Variants in RALYL observed in about 807,000 individuals in gnomAD.
The protein encoded by RALYL is RALY RNA binding protein like.
Under a neutral mutation model 35.1 loss-of-function variants are expected in RALYL, and 29 were observed. The observed-to-expected ratio is 0.83, with a 90% CI of 0.61 to 1.13. The LOEUF (loss-of-function observed/expected upper bound fraction) is 1.13, where lower values mean the gene tolerates loss of function less well. RALYL is among the 50% of genes most tolerant of loss of function. RALYL has a pLI of 0.00. For missense variants in RALYL, 359 were observed against 360.4 expected (o/e 1.00, Z 0.03); for synonymous variants, 120 against 127.6 (o/e 0.94, Z 0.40).
chr8:84,661,722 G>A (rs1003911356), intron 2 of RALYL, among the ~76,000 whole-genome samples: 1 of 151,646 alleles, frequency 6.6e-6, no homozygotes, highest in African/African-American at 2.4e-5. Flanking sequence ...ATGCTGGTGC[G>A]CTGCACCTAC....
chr8:84,683,189 G>A (rs1185708874), intron 2 of RALYL, among the ~76,000 whole-genome samples: 1 of 152,196 alleles, frequency 6.6e-6, no homozygotes, highest in Non-Finnish European at 1.5e-5. Flanking sequence ...TAGTTTGATT[G>A]CACTGTGGTC....
intron 1 of RALYL, among the ~76,000 whole-genome samples, chr8:84,353,694 G>GA (rs1029349896): frequency 6.7e-6 from 1 of 150,014 alleles, no homozygotes; most frequent in East Asian, 1.9e-4. Context: ...TCTAACTTAT[G>GA]AAAAAAACAT....
At chr8:84,593,887 T>C (rs1813873212) in intron 2 of RALYL, among the ~76,000 whole-genome samples, 1 of 152,086 alleles carries the variant, frequency 6.6e-6, no homozygotes, top group Non-Finnish European at 1.5e-5. Context: ...CACCATTATA[T>C]GCACTGCCCT....
chr8:84,840,492 T>C (rs1405864611), intron 4 of RALYL, among the ~76,000 whole-genome samples: 1 of 152,198 alleles, frequency 6.6e-6, no homozygotes, highest in South Asian at 2.1e-4. Context: ...TACGCCTGAC[T>C]GGTGTACCTG....
intron 1 of RALYL, among the ~76,000 whole-genome samples, chr8:84,407,524 C>T (rs566000239): frequency 1.9e-3 from 292 of 152,070 alleles, no homozygotes; most frequent in Non-Finnish European, 3.2e-3. Context: ...AGTGAAAATA[C>T]CTTGGCTCAA....
At chr8:84,406,083 C>T (rs1005101551) in intron 1 of RALYL, among the ~76,000 whole-genome samples, 1 of 144,360 alleles carries the variant, frequency 6.9e-6, no homozygotes, top group African/African-American at 2.6e-5. Flanking sequence ...AAAAGAATAA[C>T]AAAAAGTTAA....
intron 1 of RALYL, among the ~76,000 whole-genome samples, chr8:84,467,029 C>G (rs1361146923): frequency 6.6e-6 from 1 of 152,100 alleles, no homozygotes; most frequent in South Asian, 2.1e-4. Flanking sequence ...TGATTCTTCT[C>G]TCTTTTTTTC....
chr8:84,200,511 C>T (rs1472528883), intron 1 of RALYL, among the ~76,000 whole-genome samples: 3 of 152,132 alleles, frequency 2.0e-5, no homozygotes, highest in Non-Finnish European at 4.4e-5. Flanking sequence ...TCATTTCCTT[C>T]ATGCAGTTTT....
intron 2 of RALYL, among the ~76,000 whole-genome samples, chr8:84,707,516 G>A (rs1270789925): frequency 6.6e-6 from 1 of 152,040 alleles, no homozygotes. Flanking sequence ...CCCTTAAAAT[G>A]TGCTCACTGA....
intron 5 of RALYL, among the ~76,000 whole-genome samples, chr8:84,861,552 A>G (rs899515853): frequency 2.0e-5 from 3 of 152,198 alleles, no homozygotes; most frequent in Non-Finnish European, 4.4e-5. Context: ...TGCTTGTAAT[A>G]TCTAACTATA....
rs376608152 is a variant in RALYL, at chr8:84,529,901, T to G, written c.256+324T>G. Among the ~76,000 whole-genome samples the G allele has an allele frequency of 6.6e-5, 10 of 152,270 alleles. No homozygotes were observed. In the South Asian group the frequency reaches 1.2e-3, roughly 19 times the overall value. On this transcript the variant is annotated intron_variant, in intron 2 of 8. Transcript: ENST00000521268. ...ATAGCATCTGTCTTCCAGGAAACAC[T>G]ATCCTATGCAAAAAATAACTTCACT...
chr8:84,734,679 G>A (rs1321723019), intron 2 of RALYL, among the ~76,000 whole-genome samples: 1 of 152,024 alleles, frequency 6.6e-6, no homozygotes, highest in East Asian at 1.9e-4. Context: ...CTGAGTCCCT[G>A]CATCTTGGTT....
At chr8:84,597,280 T>C (rs909455458) in intron 2 of RALYL, among the ~76,000 whole-genome samples, 3 of 152,152 alleles carry the variant, frequency 2.0e-5, no homozygotes, top group Non-Finnish European at 4.4e-5. Context: ...CAGACTTTCT[T>C]CCCCAATTCT....
chr8:84,699,882 A>T (rs1839892802), intron 2 of RALYL, among the ~76,000 whole-genome samples: 1 of 152,154 alleles, frequency 6.6e-6, no homozygotes, highest in African/African-American at 2.4e-5. Context: ...AACATTTATT[A>T]AAAATATATT....
At chr8:84,749,334 T>A (rs1174064721) in intron 2 of RALYL, among the ~76,000 whole-genome samples, 6 of 152,078 alleles carry the variant, frequency 3.9e-5, no homozygotes, top group African/African-American at 1.2e-4. Context: ...CAATTTTTTT[T>A]ATAGACTTCT....
chr8:84,736,553 A>G (rs1463026142), intron 2 of RALYL, among the ~76,000 whole-genome samples: 4 of 152,098 alleles, frequency 2.6e-5, no homozygotes. Context: ...TTTGTGAAAG[A>G]TGTCATCATA....
chr8:84,864,899 AG>A (rs888848971), intron 6 of RALYL: 31 of 370,048 alleles, frequency 8.4e-5, no homozygotes, highest in African/African-American at 6.4e-4. Context: ...GCATGATGCC[AG>A]CCCCCTGTTA....
At chr8:84,521,852 C>A (rs1408650035) in intron 1 of RALYL, among the ~76,000 whole-genome samples, 1 of 151,886 alleles carries the variant, frequency 6.6e-6, no homozygotes, top group Non-Finnish European at 1.5e-5. Context: ...TTTTGCTTTC[C>A]AATTACTTAA....
intron 4 of RALYL, among the ~76,000 whole-genome samples, chr8:84,830,874 T>G (rs1830778757): frequency 6.6e-6 from 1 of 152,072 alleles, no homozygotes; most frequent in African/African-American, 2.4e-5. Flanking sequence ...TAGATTATAA[T>G]AAGAAGAGAT....
Sources: gnomAD v4.1 joint callset for allele counts (sites outside exome capture counted in the v4.1 genomes callset) on GRCh38, gnomAD v4.1.1 for gene constraint, MANE v1.5 for transcripts, NCBI Gene and HGNC (gene_info 2026-07-23, HGNC 2026-07-21) for gene names.